Variants in KCNT1 observed in about 807,000 individuals in gnomAD.
KCNT1 encodes potassium channel subfamily T member 1.
Under a neutral mutation model 147.8 loss-of-function variants are expected in KCNT1, and 78 were observed. That is an observed-to-expected ratio of 0.53 (90% CI 0.44 to 0.64). The LOEUF is 0.64. KCNT1 is among the 30% of genes least tolerant of loss of function. The pLI, the probability that KCNT1 is intolerant of heterozygous loss-of-function variation, is 0.00. For synonymous variants in KCNT1, 867 were observed against 748.8 expected, an observed-to-expected ratio of 1.16 and a Z score of -2.58; for missense variants, 1,419 against 1,750.3, an observed-to-expected ratio of 0.81 and a Z score of 3.38.
At chr9:135,747,806 G>A (rs1006139972) in intron 2 of KCNT1, among the ~76,000 whole-genome samples, 1 of 152,100 alleles carries the variant, frequency 6.6e-6, no homozygotes, top group Non-Finnish European at 1.5e-5. Flanking sequence ...CTGGCCCCAG[G>A]AGCCCTGAGT....
chr9:135,731,991 T>TATATATATATAGAGAGAGAGAG (rs1276318460), intron 2 of KCNT1, among the ~76,000 whole-genome samples: 3 of 21,736 alleles, frequency 1.4e-4, no homozygotes, highest in Non-Finnish European at 2.5e-4. Context: ...TATATATATA[T>TATATATATATAGAGAGAGAGAG]AGAGAGAGAG....
intron 11 of KCNT1, among the ~76,000 whole-genome samples, 178 bp downstream of exon 11, chr9:135,760,037 G>A (rs1253031953): frequency 6.6e-6 from 1 of 152,214 alleles, no homozygotes; most frequent in Non-Finnish European, 1.5e-5. Context: ...TCTACGGCGG[G>A]TCCGGTGGTG....
In KCNT1 at chr9:135,778,734, G is replaced by C; in HGVS notation, c.2641G>C (p.Val881Leu). The stretch of plus-strand genomic sequence containing the variant: ...TGGCATCATCTATGCGGACAACCTG[G>C]TGGTGGTGGACAAGGAGAGCACCAT... ...QCGIIYADNLVVVDKESTMSA... is the reference protein window; with the variant it reads ...QCGIIYADNLLVVDKESTMSA... The change falls in exon 23 of 31, where the codon GTG (valine) becomes CTG (leucine). Residue 881 changes from valine to leucine, a missense_variant. Physicochemically the swap from Val to Leu is conservative, Grantham distance 32. Transcript: ENST00000371757. The C allele has an allele frequency of 6.2e-7, 1 of 1,613,756 alleles. No homozygotes were observed. The highest frequency in any genetic ancestry group is 8.5e-7 in the Non-Finnish European group (1 of 1,179,890).
At chr9:135,780,239 C>A (rs1379247826) in intron 24 of KCNT1, among the ~76,000 whole-genome samples, 2 of 147,296 alleles carry the variant, frequency 1.4e-5, no homozygotes, top group African/African-American at 5.3e-5. Context: ...AGGGAGCAGG[C>A]ACCTTGGTCA....
chr9:135,765,261 C>T (rs1832183757), intron 12 of KCNT1, 66 bp downstream of exon 12: 1 of 1,476,592 alleles, frequency 6.8e-7, no homozygotes, highest in African/African-American at 1.4e-5. Flanking sequence ...CATCCTCTCC[C>T]CAGGACTGCT....
intron 28 of KCNT1, chr9:135,785,747 C>T (rs1833995153): frequency 2.2e-6 from 1 of 447,036 alleles, no homozygotes; most frequent in Admixed American, 3.8e-5. Flanking sequence ...CCACGTTCCC[C>T]AGGTTCGGGG....
intron 19 of KCNT1, among the ~76,000 whole-genome samples, chr9:135,774,220 TCTGTGTG>T (rs1451077499): frequency 1.3e-5 from 2 of 150,082 alleles, no homozygotes; most frequent in Admixed American, 1.3e-4. Context: ...GTATGTGGTG[TCTGTGTG>T]TTGTGTGTGG....
At chr9:135,757,426 C>G in intron 9 of KCNT1, 45 bp downstream of exon 9, 1 of 1,545,510 alleles carries the variant, frequency 6.5e-7, no homozygotes, top group African/African-American at 1.4e-5. Context: ...GGGGGCCACC[C>G]TCAGCCTCAC....
chr9:135,715,783 G>T (rs1468125880), intron 2 of KCNT1, among the ~76,000 whole-genome samples: 1 of 152,202 alleles, frequency 6.6e-6, no homozygotes, highest in Non-Finnish European at 1.5e-5. Flanking sequence ...TAAAAAGGGG[G>T]TCTTAAAACC....
At chr9:135,782,651 C>A (rs1833695476) in intron 24 of KCNT1, among the ~76,000 whole-genome samples, 1 of 152,192 alleles carries the variant, frequency 6.6e-6, no homozygotes, top group South Asian at 2.1e-4. Context: ...CCTGAAACGT[C>A]CAGCTTTTTC....
intron 2 of KCNT1, among the ~76,000 whole-genome samples, chr9:135,748,760 G>C (rs964149665): frequency 2.0e-5 from 3 of 152,200 alleles, no homozygotes; most frequent in Non-Finnish European, 4.4e-5. Flanking sequence ...TGTGGCCCTC[G>C]CGCTGCACTG....
At position 135,750,088 on chromosome 9, in the gene KCNT1, G is replaced by C. The variant is rs1831062678; in HGVS notation, c.255-10G>C. 1 of 1,612,982 alleles carries C rather than the reference G, an allele frequency of 6.2e-7. No individual in the cohort carries two copies. Among genetic ancestry groups the C allele is most frequent in the Non-Finnish European group, 8.5e-7 (1 of 1,179,176 alleles). On this transcript the variant is annotated splice_polypyrimidine_tract_variant and intron_variant, in intron 2 of 30. Coordinates refer to ENST00000371757, the MANE Select transcript of KCNT1 (RefSeq NM_020822.3). ...GCCCTGAGCCTCCATGCCCCTCTCTGCTTCTTCAGGGTCCAGGTGGAGTTC... is the reference window on the plus strand; with the variant it reads ...GCCCTGAGCCTCCATGCCCCTCTCTCCTTCTTCAGGGTCCAGGTGGAGTTC...
chr9:135,732,029 GAGAGAGA>G (rs1836500266), intron 2 of KCNT1, among the ~76,000 whole-genome samples: 1 of 140,112 alleles, frequency 7.1e-6, no homozygotes, highest in South Asian at 2.5e-4. Flanking sequence ...GAGAGAGAGA[GAGAGAGA>G]GAGAGGGAGT....
chr9:135,729,349 C>T (rs1026415046), intron 2 of KCNT1, among the ~76,000 whole-genome samples: 3 of 152,232 alleles, frequency 2.0e-5, no homozygotes, highest in Non-Finnish European at 4.4e-5. Flanking sequence ...GAGCAACCCC[C>T]TGCCAGCGGC....
intron 1 of KCNT1, among the ~76,000 whole-genome samples, chr9:135,708,742 G>C (rs919180968): frequency 1.3e-5 from 2 of 152,184 alleles, no homozygotes; most frequent in Admixed American, 1.3e-4. Flanking sequence ...GAAGGTTTTT[G>C]CCATGTTGCC....
chr9:135,757,941 G>A (rs2131441163), intron 9 of KCNT1, among the ~76,000 whole-genome samples: 1 of 152,358 alleles, frequency 6.6e-6, no homozygotes, highest in East Asian at 1.9e-4. Flanking sequence ...TCCAAGCCTT[G>A]CACACTAACC....
intron 2 of KCNT1, among the ~76,000 whole-genome samples, chr9:135,741,075 C>T (rs1302630375): frequency 6.6e-6 from 1 of 152,230 alleles, no homozygotes; most frequent in Admixed American, 6.5e-5. Context: ...TGGGTGGATC[C>T]TCTACCCATG....
chr9:135,712,029 G>C (rs1446154175), intron 1 of KCNT1, among the ~76,000 whole-genome samples: 1 of 152,236 alleles, frequency 6.6e-6, no homozygotes, highest in East Asian at 1.9e-4. Flanking sequence ...CAGCAGGACT[G>C]ATGGGCCAGG....
Position 135,769,949 on chromosome 9 carries a change from C to A in KCNT1, c.1513C>A (p.His505Asn), listed in dbSNP as rs1277401401. The A allele has an allele frequency of 1.3e-6, 2 of 1,550,618 alleles. No homozygotes were observed. Among genetic ancestry groups the A allele is most frequent in the Non-Finnish European group, 8.7e-7 (1 of 1,147,080 alleles). ...ENKFHVKFAD[H>N]VVCEEECKYA... ...CCGGCCTCCCCCACTGCCCGCAGACCACGTGGTGTGTGAGGAGGAGTGCAA... is the reference window on the plus strand; with the variant it reads ...CCGGCCTCCCCCACTGCCCGCAGACAACGTGGTGTGTGAGGAGGAGTGCAA... The change falls in exon 16 of 31, where the codon CAC becomes AAC. Residue 505 changes from histidine (H) to asparagine (N), a missense_variant and splice_region_variant. His to Asn is a moderately conservative substitution (Grantham distance 68). Around this residue, in one of 5 missense-constraint regions of KCNT1, gnomAD observed 401 missense variants for 610.6 expected, o/e 0.66. Transcript: ENST00000371757.
Sources: allele counts gnomAD v4.1 joint callset (sites outside exome capture counted in the v4.1 genomes callset), GRCh38; gene constraint gnomAD v4.1.1; regional missense constraint gnomAD v4.1.1; transcripts MANE v1.5; gene names NCBI Gene and HGNC (gene_info 2026-07-23, HGNC 2026-07-21).